FAM110B: variants seen among roughly 807,000 people sequenced by gnomAD.
FAM110B encodes family with sequence similarity 110 member B, also known as protein FAM110B.
FAM110B carries 6 observed loss-of-function variants against 20.4 expected under a neutral mutation model. The observed-to-expected ratio is 0.29, with a 90% confidence interval of 0.16 to 0.58. The LOEUF (loss-of-function observed/expected upper bound fraction) is 0.58. Among genes scored for constraint, FAM110B ranks in the 20% least tolerant of loss-of-function variants. FAM110B has a pLI of 0.90. For missense variants in FAM110B, 434 were observed against 498.2 expected (o/e 0.87, Z 1.23); for synonymous variants, 226 against 214.1 (o/e 1.06, Z -0.49).
intron 3 of FAM110B, among the ~76,000 whole-genome samples, chr8:58,144,871 C>G (rs1439849801): frequency 6.6e-6 from 1 of 152,120 alleles, no homozygotes; most frequent in Non-Finnish European, 1.5e-5. Context: ...TAAAAAGACT[C>G]CTTACAGAAT....
intron 1 of FAM110B, among the ~76,000 whole-genome samples, chr8:58,027,660 G>A (rs1388249560): frequency 4.6e-5 from 7 of 152,064 alleles, no homozygotes; most frequent in African/African-American, 1.7e-4. Flanking sequence ...GCTCCAGTTT[G>A]CCTTTCTCTA....
At chr8:58,054,055 T>A (rs962583269) in intron 2 of FAM110B, among the ~76,000 whole-genome samples, 2 of 152,208 alleles carry the variant, frequency 1.3e-5, no homozygotes, top group Non-Finnish European at 2.9e-5. Context: ...GTTCAGTGTT[T>A]GCCTTATTTG....
chr8:58,125,246 GC>G (rs752790099), intron 3 of FAM110B, among the ~76,000 whole-genome samples: 14 of 152,150 alleles, frequency 9.2e-5, no homozygotes, highest in Admixed American at 2.0e-4. Context: ...TACTCAAGGG[GC>G]TAAGGTGGAT....
chr8:58,089,908 T>C (rs1355158189), intron 3 of FAM110B, among the ~76,000 whole-genome samples: 1 of 152,212 alleles, frequency 6.6e-6, no homozygotes, highest in Non-Finnish European at 1.5e-5. Flanking sequence ...TTTCTGTCCT[T>C]CTCATACATT....
At chr8:58,078,261 G>A (rs1806086086) in intron 3 of FAM110B, among the ~76,000 whole-genome samples, 1 of 152,190 alleles carries the variant, frequency 6.6e-6, no homozygotes, top group African/African-American at 2.4e-5. Context: ...GGCAAATGAA[G>A]TCATGAAATA....
chr8:58,080,625 C>G (rs1424170501), intron 3 of FAM110B, among the ~76,000 whole-genome samples: 1 of 152,194 alleles, frequency 6.6e-6, no homozygotes, highest in Non-Finnish European at 1.5e-5. Flanking sequence ...TTAGTGAGCA[C>G]TGGAGTGTCC....
chr8:58,101,128 G>A (rs1170742529), intron 3 of FAM110B: 4 of 151,682 alleles, frequency 2.6e-5, no homozygotes, highest in African/African-American at 9.7e-5. Flanking sequence ...AGTGAGCCAA[G>A]ATCGTGCTAC....
chr8:58,036,036 T>C (rs1301201849), intron 2 of FAM110B, among the ~76,000 whole-genome samples: 3 of 152,210 alleles, frequency 2.0e-5, no homozygotes, highest in Non-Finnish European at 4.4e-5. Flanking sequence ...GCAATAATGC[T>C]ACTACACTTG....
intron 3 of FAM110B, among the ~76,000 whole-genome samples, chr8:58,103,002 GAAAAAA>G (rs60027491): frequency 2.0e-5 from 2 of 99,300 alleles, no homozygotes; most frequent in Admixed American, 1.2e-4. Context: ...TGCTTGTTAT[GAAAAAA>G]AAAAAAAAAA....
intron 2 of FAM110B, among the ~76,000 whole-genome samples, chr8:58,064,379 G>C (rs555826343): frequency 5.0e-4 from 76 of 150,920 alleles, no homozygotes; most frequent in African/African-American, 1.7e-3. Flanking sequence ...AAATGGACAG[G>C]GGTAAATGTA....
At chr8:58,136,493 G>GT (rs1467829032) in intron 3 of FAM110B, among the ~76,000 whole-genome samples, 1 of 152,188 alleles carries the variant, frequency 6.6e-6, no homozygotes, top group Non-Finnish European at 1.5e-5. Flanking sequence ...ATCATTTTAT[G>GT]TTTGTTTGGA....
At chr8:58,018,809 AATAG>A (rs59685703) in intron 1 of FAM110B, among the ~76,000 whole-genome samples, 28,848 of 147,886 alleles carry the variant, frequency 0.2, 2,805 homozygotes, top group East Asian at 0.3. Flanking sequence ...TAGGGATTAC[AATAG>A]ATAGATAGAT....
At chr8:58,033,450 A>C (rs1024160377) in intron 2 of FAM110B, among the ~76,000 whole-genome samples, 1 of 152,206 alleles carries the variant, frequency 6.6e-6, no homozygotes, top group African/African-American at 2.4e-5. Context: ...TGGTAGTTCT[A>C]AGTTCTTTGA....
intron 1 of FAM110B, among the ~76,000 whole-genome samples, chr8:58,018,660 AT>A (rs899489840): frequency 2.6e-5 from 4 of 151,968 alleles, no homozygotes; most frequent in African/African-American, 9.7e-5. Context: ...CTATTACCCT[AT>A]TTTTTGTATT....
chr8:58,098,130 A>T (rs951987382), intron 3 of FAM110B, among the ~76,000 whole-genome samples: 1 of 152,234 alleles, frequency 6.6e-6, no homozygotes, highest in Non-Finnish European at 1.5e-5. Flanking sequence ...AAGTCTGCTG[A>T]AGCTGCACCC....
intron 2 of FAM110B, among the ~76,000 whole-genome samples, chr8:58,058,558 A>G (rs918935087): frequency 6.6e-6 from 1 of 152,184 alleles, no homozygotes; most frequent in African/African-American, 2.4e-5. Flanking sequence ...AGGAAGAATT[A>G]TTCTCAGGTC....
intron 2 of FAM110B, among the ~76,000 whole-genome samples, chr8:58,044,400 T>C (rs1372104497): frequency 6.6e-6 from 1 of 152,268 alleles, no homozygotes; most frequent in Non-Finnish European, 1.5e-5. Context: ...TCATGCTTTA[T>C]AGGCTTACCT....
At chr8:58,033,861 C>T (rs902985451) in intron 2 of FAM110B, among the ~76,000 whole-genome samples, 1 of 152,136 alleles carries the variant, frequency 6.6e-6, no homozygotes, top group African/African-American at 2.4e-5. Flanking sequence ...CGTCTCTTAC[C>T]CTGGCTTCCT....
intron 2 of FAM110B, among the ~76,000 whole-genome samples, chr8:58,052,136 A>G (rs967353473): frequency 6.6e-6 from 1 of 152,252 alleles, no homozygotes; most frequent in Non-Finnish European, 1.5e-5. Context: ...GAGGCTGGGC[A>G]CTGGACAGGG....
Sources: gnomAD v4.1 joint callset for allele counts (sites outside exome capture counted in the v4.1 genomes callset) on GRCh38, gnomAD v4.1.1 for gene constraint, MANE v1.5 for transcripts, NCBI Gene and HGNC (gene_info 2026-07-23, HGNC 2026-07-21) for gene names.